ACOXL: variants seen among roughly 807,000 people sequenced by gnomAD.
The protein encoded by ACOXL is acyl-coenzyme A oxidase-like protein.
Under a neutral mutation model 71.9 loss-of-function variants are expected in ACOXL, and 70 were observed. That is an observed-to-expected ratio of 0.97 (90% CI 0.80 to 1.19). ACOXL has a LOEUF of 1.19. Ranked by LOEUF, ACOXL falls within the 50% of genes most tolerant of loss-of-function variation. ACOXL has a pLI of 0.00. For missense variants in ACOXL, 703 were observed against 736.3 expected, an observed-to-expected ratio of 0.95 and a Z score of 0.52; for synonymous variants, 253 against 281.6, an observed-to-expected ratio of 0.90 and a Z score of 1.02.
At chr2:111,039,932 G>A (rs1558900446) in intron 15 of ACOXL, among the ~76,000 whole-genome samples, 1 of 152,206 alleles carries the variant, frequency 6.6e-6, no homozygotes, top group African/African-American at 2.4e-5. Context: ...CAGAACAGCT[G>A]TTTCTCAGTA....
intron 12 of ACOXL, among the ~76,000 whole-genome samples, chr2:110,960,784 G>C (rs2061673715): frequency 6.6e-6 from 1 of 151,654 alleles, no homozygotes; most frequent in African/African-American, 2.4e-5. Flanking sequence ...AAATGATGCA[G>C]ACACAGATGC....
At chr2:110,796,592 G>C (rs2105290644) in intron 5 of ACOXL, among the ~76,000 whole-genome samples, 1 of 152,308 alleles carries the variant, frequency 6.6e-6, no homozygotes, top group South Asian at 2.1e-4. Flanking sequence ...GTTTCTGCCA[G>C]GCCAATGTTT....
At chr2:110,790,002 C>T (rs1218198929) in intron 3 of ACOXL, among the ~76,000 whole-genome samples, 1 of 152,244 alleles carries the variant, frequency 6.6e-6, no homozygotes, top group East Asian at 1.9e-4. Context: ...GACTTCCCAG[C>T]CACACTTTTG....
At chr2:110,991,830 A>G (rs2063186804) in intron 13 of ACOXL, among the ~76,000 whole-genome samples, 1 of 152,186 alleles carries the variant, frequency 6.6e-6, no homozygotes, top group Non-Finnish European at 1.5e-5. Flanking sequence ...TCTTCATACT[A>G]GAGCTAGTGG....
intron 10 of ACOXL, among the ~76,000 whole-genome samples, chr2:110,864,906 T>G (rs570798693): frequency 3.3e-4 from 51 of 152,326 alleles, no homozygotes; most frequent in African/African-American, 1.2e-3. Context: ...CCAGCCAGCC[T>G]CACTGTGATC....
At chr2:110,942,923 G>GAGAAAGAAAGAAAGA (rs1257619262) in intron 12 of ACOXL, among the ~76,000 whole-genome samples, 3 of 125,526 alleles carry the variant, frequency 2.4e-5, no homozygotes, top group Non-Finnish European at 3.3e-5. Context: ...GGGAAAGAAA[G>GAGAAAGAAAGAAAGA]AGAAAGAAAG....
intron 14 of ACOXL, among the ~76,000 whole-genome samples, chr2:111,030,771 T>C (rs2065230041): frequency 6.6e-6 from 1 of 151,726 alleles, no homozygotes; most frequent in African/African-American, 2.4e-5. Flanking sequence ...TAAACCCATG[T>C]GGTTTTCGAA....
At chr2:110,783,401 T>G (rs187906233) in intron 2 of ACOXL, among the ~76,000 whole-genome samples, 9 of 152,342 alleles carry the variant, frequency 5.9e-5, no homozygotes, top group East Asian at 5.8e-4. Flanking sequence ...CAATACAAGA[T>G]GCATTGGGTT....
At chr2:111,010,346 A>G (rs2064089416) in intron 14 of ACOXL, among the ~76,000 whole-genome samples, 1 of 152,178 alleles carries the variant, frequency 6.6e-6, no homozygotes, top group Non-Finnish European at 1.5e-5. Flanking sequence ...TGGGATTAAC[A>G]ACACACTGGG....
chr2:111,104,007 G>T (rs1282329284), intron 17 of ACOXL, among the ~76,000 whole-genome samples: 1 of 152,070 alleles, frequency 6.6e-6, no homozygotes, highest in African/African-American at 2.4e-5. Flanking sequence ...TTTAATCCCA[G>T]GTGACTACTA....
chr2:110,997,580 T>A (rs887104827), intron 14 of ACOXL, among the ~76,000 whole-genome samples: 2 of 152,176 alleles, frequency 1.3e-5, no homozygotes, highest in Non-Finnish European at 2.9e-5. Flanking sequence ...TGGAAAGATA[T>A]TTTTAGATAT....
intron 10 of ACOXL, among the ~76,000 whole-genome samples, chr2:110,867,769 GC>G (rs1694783701): frequency 6.6e-6 from 1 of 151,912 alleles, no homozygotes; most frequent in South Asian, 2.1e-4. Context: ...CTCAAAAATT[GC>G]TTTTTTTTTT....
Position 110,793,752 on chromosome 2 carries a change from C to T in ACOXL, c.246+16C>T, listed in dbSNP as rs749944785. On this transcript the variant is annotated intron_variant, in intron 4 of 17. Transcript: ENST00000439055. Reference sequence around the variant, plus strand: ...GCCACTCCAGGTATGGTATTTTCCTCAACATTGGTCTTCTATGGAGAGCCT... The same window carrying T: ...GCCACTCCAGGTATGGTATTTTCCTTAACATTGGTCTTCTATGGAGAGCCT... 8 of 1,601,044 alleles carry T rather than the reference C, an allele frequency of 5.0e-6. No homozygotes were observed. Among genetic ancestry groups the T allele is most frequent in the Non-Finnish European group, 6.0e-6 (7 of 1,168,326 alleles).
At chr2:111,025,669 C>T (rs2064987288) in intron 14 of ACOXL, among the ~76,000 whole-genome samples, 1 of 152,160 alleles carries the variant, frequency 6.6e-6, no homozygotes, top group Admixed American at 6.5e-5. Flanking sequence ...TTTCCTGTGA[C>T]TGAGCTGTAG....
chr2:111,091,513 A>T (rs2068522884), intron 16 of ACOXL, among the ~76,000 whole-genome samples: 1 of 152,212 alleles, frequency 6.6e-6, no homozygotes, highest in South Asian at 2.1e-4. Context: ...AGCACATAAG[A>T]AGTTCATCTA....
chr2:110,895,255 G>A (rs1213414594), intron 10 of ACOXL, among the ~76,000 whole-genome samples: 7 of 151,920 alleles, frequency 4.6e-5, no homozygotes, highest in Non-Finnish European at 1.5e-5. Flanking sequence ...ATTTTCAAAT[G>A]GAAAAATATA....
intron 1 of ACOXL, among the ~76,000 whole-genome samples, chr2:110,742,371 T>C (rs2104713027): frequency 6.6e-6 from 1 of 152,310 alleles, no homozygotes; most frequent in East Asian, 1.9e-4. Context: ...AATTGTACAC[T>C]AGAAAAAATA....
rs1692754760 is a variant in ACOXL at position 110,852,602 on chromosome 2, T to TA, written c.788+11198dup. Among the ~76,000 whole-genome samples, 7 of 152,320 alleles carry TA rather than the reference T, an allele frequency of 4.6e-5. No homozygotes were observed. The South Asian group carries it at 1.4e-3, about 32-fold the overall frequency. ...GGCCTCTTATGTGGCTCAAACTACT[T>TA]ACAAATCAAGAACATTCTATAGCCT... On this transcript the variant is annotated intron_variant, in intron 10 of 17. Transcript: ENST00000439055.
intron 15 of ACOXL, among the ~76,000 whole-genome samples, chr2:111,043,746 C>T (rs2065892198): frequency 6.6e-6 from 1 of 152,174 alleles, no homozygotes; most frequent in Admixed American, 6.5e-5. Context: ...TGCCTGGTTC[C>T]CAGCAATGCT....
Sources: allele counts gnomAD v4.1 joint callset (sites outside exome capture counted in the v4.1 genomes callset), GRCh38; gene constraint gnomAD v4.1.1; transcripts MANE v1.5; gene names NCBI Gene and HGNC (gene_info 2026-07-23, HGNC 2026-07-21).